Variants in SLC25A25 observed in about 807,000 individuals in gnomAD.
SLC25A25 encodes mitochondrial adenyl nucleotide antiporter SLC25A25.
Under a neutral mutation model 57.7 loss-of-function variants are expected in SLC25A25, and 32 were observed. The ratio of observed to expected loss-of-function variants is 0.55; its 90% CI spans 0.42 to 0.74. SLC25A25 has a LOEUF of 0.74. Among genes scored for constraint, SLC25A25 ranks in the 30% least tolerant of loss-of-function variants. The pLI is 0.00. For missense variants in SLC25A25, 556 were observed against 701.3 expected, an observed-to-expected ratio of 0.79 and a Z score of 2.34; for synonymous variants, 306 against 291.2, an observed-to-expected ratio of 1.05 and a Z score of -0.52.
At chr9:128,083,809 T>C (rs1833216060) in intron 1 of SLC25A25, among the ~76,000 whole-genome samples, 1 of 151,698 alleles carries the variant, frequency 6.6e-6, no homozygotes, top group South Asian at 2.1e-4. Flanking sequence ...TGAGCCACCG[T>C]GCCCGGCTGA....
intron 1 of SLC25A25, among the ~76,000 whole-genome samples, chr9:128,078,346 G>A (rs1456117939): frequency 6.6e-6 from 1 of 152,134 alleles, no homozygotes; most frequent in East Asian, 1.9e-4. Flanking sequence ...AAAGCGAAAG[G>A]CAAGGGAGGG....
chr9:128,070,950 C>CAAAAAAAA (rs531221205), intron 1 of SLC25A25, among the ~76,000 whole-genome samples: 9 of 57,404 alleles, frequency 1.6e-4, no homozygotes, highest in African/African-American at 5.3e-4. Flanking sequence ...AACTCCATCT[C>CAAAAAAAA]AAAAAAAAAA....
At chr9:128,106,881 C>G in intron 9 of SLC25A25, 148 bp from the exon 10 acceptor site, 3 of 954,350 alleles carry the variant, frequency 3.1e-6, no homozygotes, top group Non-Finnish European at 4.7e-6. Context: ...CCAGTGACAG[C>G]AGAAACAGGG....
At position 128,107,640 on chromosome 9, in the gene SLC25A25, G is replaced by A. The variant is rs565329443; in HGVS notation, c.*196G>A. The A allele has an allele frequency of 2.1e-5, 11 of 535,380 alleles. No homozygotes were observed. Among genetic ancestry groups the A allele is most frequent in the African/African-American group, 1.9e-4 (10 of 52,724 alleles). 33.2% of individuals were successfully genotyped at this position (535,380 alleles called of 1,614,324 possible). On this transcript the variant is annotated 3_prime_UTR_variant, in exon 11 of 11. Coordinates refer to ENST00000373069, the MANE Select transcript of SLC25A25 (RefSeq NM_001330988.2). ...CCTGCTGACCCCAGCAGACCCTCCT[G>A]TTGGTTCCAGCGAAGACCACAGGCA...
At chr9:128,091,698 C>G in intron 1 of SLC25A25, 1 of 1,356,718 alleles carries the variant, frequency 7.4e-7, no homozygotes, top group South Asian at 2.0e-5. Flanking sequence ...CCGGGCACGA[C>G]AGCAGTGCTA....
At chr9:128,074,060 G>GTA (rs1471339831) in intron 1 of SLC25A25, among the ~76,000 whole-genome samples, 1 of 150,234 alleles carries the variant, frequency 6.7e-6, no homozygotes, top group Admixed American at 6.7e-5. Flanking sequence ...GTGTGTGTGT[G>GTA]ACGGATTCTC....
intron 9 of SLC25A25, 34 bp from the exon 10 acceptor site, chr9:128,106,995 C>T: frequency 1.2e-6 from 2 of 1,603,420 alleles, no homozygotes; most frequent in Non-Finnish European, 1.7e-6. Flanking sequence ...CTAGCCCTTC[C>T]TAGGGCTTAT....
chr9:128,082,789 C>T (rs918658090), intron 1 of SLC25A25, among the ~76,000 whole-genome samples: 1 of 152,064 alleles, frequency 6.6e-6, no homozygotes, highest in Non-Finnish European at 1.5e-5. Flanking sequence ...AGAATCACCA[C>T]GCCTGGCTAA....
At chr9:128,083,513 C>CTTTTTTTTTTTTTTTTTT (rs1315501906) in intron 1 of SLC25A25, among the ~76,000 whole-genome samples, 2 of 117,454 alleles carry the variant, frequency 1.7e-5, no homozygotes, top group African/African-American at 3.2e-5. Flanking sequence ...TTTCTTTTTT[C>CTTTTTTTTTTTTTTTTTT]TTTTTTTTTT....
rs1372975518 is a variant in SLC25A25, at chr9:128,105,715, G to A, written c.784-14G>A. 2.5e-6 allele frequency: 4 copies of A among 1,612,174 alleles called. No individual in the cohort carries two copies. The highest frequency in any genetic ancestry group is 2.5e-6 in the Non-Finnish European group (3 of 1,179,996). On this transcript the variant is annotated splice_polypyrimidine_tract_variant and intron_variant, in intron 6 of 10. Coordinates refer to ENST00000373069, the MANE Select transcript of SLC25A25 (RefSeq NM_001330988.2). The stretch of plus-strand genomic sequence containing the variant: ...CCCCCCGGGTCCGTCTGACTGTTCG[G>A]TCCTCCCTCCCAGGTCCATGCCTCC...
intron 1 of SLC25A25, among the ~76,000 whole-genome samples, chr9:128,085,715 A>G (rs1833260190): frequency 6.6e-6 from 1 of 152,088 alleles, no homozygotes; most frequent in Non-Finnish European, 1.5e-5. Context: ...ATTTCCTTCT[A>G]AGTACTGCTG....
At position 128,107,380 on chromosome 9, in the gene SLC25A25, C is replaced by T; in HGVS notation, c.1484C>T (p.Ala495Val). 1 of 1,513,038 alleles carries T rather than the reference C, an allele frequency of 6.6e-7. No individual in the cohort carries two copies. Among genetic ancestry groups the T allele is most frequent in the Non-Finnish European group, 8.9e-7 (1 of 1,129,528 alleles). The allele number at this position is 1,513,038 out of a possible 1,614,324, so 93.7% of individuals were successfully genotyped here. A position where few individuals can be genotyped will look rare whatever the true frequency, so the allele number is the denominator to read the frequency against. The change falls in exon 11 of 11, where the codon GCT (alanine) becomes GTT (valine). Residue 495 changes from alanine to valine, a missense_variant. By Grantham distance (64) the Ala-to-Val change is moderately conservative (BLOSUM62 0). Coordinates refer to ENST00000373069, the MANE Select transcript of SLC25A25 (RefSeq NM_001330988.2). ...LAPNFMKVIPAVSISYVVYEN... is the reference protein window; with the variant it reads ...LAPNFMKVIPVVSISYVVYEN... Reference sequence around the variant, plus strand: ...CCCAACTTCATGAAGGTCATCCCAGCTGTGAGCATCAGCTACGTGGTCTAC... The same window carrying T: ...CCCAACTTCATGAAGGTCATCCCAGTTGTGAGCATCAGCTACGTGGTCTAC...
chr9:128,074,594 A>G (rs1461903759), intron 1 of SLC25A25, among the ~76,000 whole-genome samples: 1 of 151,800 alleles, frequency 6.6e-6, no homozygotes, highest in Non-Finnish European at 1.5e-5. Flanking sequence ...CTGTAATCCC[A>G]GCTACTCGGA....
At chr9:128,085,262 C>T (rs10819346) in intron 1 of SLC25A25, among the ~76,000 whole-genome samples, 112,694 of 151,546 alleles carry the variant, frequency 0.74, 43,695 homozygotes, top group Non-Finnish European at 0.85. Flanking sequence ...AGCCAGGAGG[C>T]GGAGGTTGTA....
chr9:128,106,113 TG>T, intron 7 of SLC25A25, 36 bp from the exon 8 acceptor site: 2 of 1,612,812 alleles, frequency 1.2e-6, no homozygotes, highest in Non-Finnish European at 1.7e-6. Flanking sequence ...CCCCAACCTC[TG>T]GGTATATCAG....
chr9:128,077,343 G>A (rs1833038178), intron 1 of SLC25A25, among the ~76,000 whole-genome samples: 1 of 151,240 alleles, frequency 6.6e-6, no homozygotes, highest in Non-Finnish European at 1.5e-5. Flanking sequence ...GTGAAACCCC[G>A]TCTCTACTAA....
At chr9:128,072,816 G>A (rs1408127727) in intron 1 of SLC25A25, among the ~76,000 whole-genome samples, 1 of 152,248 alleles carries the variant, frequency 6.6e-6, no homozygotes, top group Non-Finnish European at 1.5e-5. Context: ...GCATTTTCAT[G>A]TGACCAAATA....
At position 128,099,371 on chromosome 9, in the gene SLC25A25, T is replaced by C. The variant is rs999926820; in HGVS notation, c.262-1725T>C. ...CAGAAGCAAGCACTTTGAGAATGCG[T>C]TGAAGCCAGCTGCGGTGAGCACACC... On this transcript the variant is annotated intron_variant, in intron 1 of 10. Coordinates refer to ENST00000373069, the MANE Select transcript of SLC25A25 (RefSeq NM_001330988.2). This position sits in a 1 kb window ranked among gnomAD's most constrained non-coding sequence, Gnocchi z 6.8. 2.1e-5 allele frequency: 26 copies of C among 1,217,022 alleles called. No homozygotes were observed. The African/African-American group carries it at 3.3e-4, about 15-fold the overall frequency. 75.4% of individuals were successfully genotyped at this position (1,217,022 alleles called of 1,614,324 possible). A position where few individuals can be genotyped will look rare whatever the true frequency, so the allele number is the denominator to read the frequency against.
In SLC25A25 at chr9:128,102,009, A is replaced by G. The variant is rs1833818390; in HGVS notation, c.477-71A>G. 6.5e-7 allele frequency: 1 copy of G among 1,531,876 alleles called. No individual in the cohort carries two copies. The highest frequency in any genetic ancestry group is 8.8e-7 in the Non-Finnish European group (1 of 1,130,348). 94.9% of individuals were successfully genotyped at this position (1,531,876 alleles called of 1,614,324 possible). A position where few individuals can be genotyped will look rare whatever the true frequency, so the allele number is the denominator to read the frequency against. ...CTGTCTCTGGGTGTGTGCTTGCTTC[A>G]CTAACATGGCTCCGAGCACTTATGC... On this transcript the variant is annotated intron_variant, in intron 3 of 10. Coordinates refer to ENST00000373069, the MANE Select transcript of SLC25A25 (RefSeq NM_001330988.2). This position sits in a 1 kb window ranked among gnomAD's most constrained non-coding sequence, Gnocchi z 4.1.
Sources: allele counts gnomAD v4.1 joint callset (sites outside exome capture counted in the v4.1 genomes callset), GRCh38; gene constraint gnomAD v4.1.1; non-coding constraint Gnocchi (gnomAD v3.1); transcripts MANE v1.5; gene names NCBI Gene and HGNC (gene_info 2026-07-23, HGNC 2026-07-21).